MRTFB: variants seen among roughly 807,000 people sequenced by gnomAD.
The protein encoded by MRTFB is myocardin-related transcription factor B.
MRTFB carries 29 observed loss-of-function variants against 104.2 expected under a neutral mutation model. The observed-to-expected ratio is 0.28, with a 90% CI of 0.21 to 0.38. The LOEUF (loss-of-function observed/expected upper bound fraction) is 0.38. MRTFB is among the 10% of genes least tolerant of loss of function. The probability of loss-of-function intolerance (pLI) is 1.00; values close to 1 mark genes in which losing one functional copy is unlikely to be tolerated. For missense variants in MRTFB, 1,270 were observed against 1,341.6 expected, an observed-to-expected ratio of 0.95 and a Z score of 0.83; for synonymous variants, 535 against 519.5, an observed-to-expected ratio of 1.03 and a Z score of -0.41.
intron 12 of MRTFB, chr16:14,247,736 G>T: frequency 1.8e-6 from 1 of 550,474 alleles, no homozygotes. Context: ...CTTTTCCCTT[G>T]AATGAACACA....
chr16:14,009,008 G>A, the MRTFB span, among the ~76,000 whole-genome samples: 71,631 of 151,258 alleles, frequency 0.47, 17,309 homozygotes, highest in Middle Eastern at 0.61. Context: ...GAGTACAGTG[G>A]CCAGATCATA....
In MRTFB at chr16:14,266,074, G is replaced by A. The variant is rs1024298321; in HGVS notation, c.*4630G>A. On this transcript the variant is annotated 3_prime_UTR_variant, in exon 17 of 17. Transcript: ENST00000571589. ...AAGTAACCAATAGTAATGCAAACTT[G>A]CTTTAAAGGAACCAAAGGCATTGCC... is the stretch of plus-strand genomic sequence containing the variant. 6.6e-6 allele frequency: 1 copy of A among 152,198 alleles called. No homozygotes were observed. Among genetic ancestry groups the A allele is most frequent in the Admixed American group, 6.5e-5 (1 of 15,282 alleles). 9.4% of individuals were successfully genotyped at this position (152,198 alleles called of 1,614,324 possible).
chr16:14,248,786 A>G (rs937008867), intron 12 of MRTFB, 140 bp from the exon 13 acceptor site: 2 of 770,940 alleles, frequency 2.6e-6, no homozygotes, highest in Non-Finnish European at 2.0e-6. Context: ...ATTTCTGTGC[A>G]GATGAAGTGT....
At chr16:14,189,529 A>G (rs376920263) in intron 3 of MRTFB, among the ~76,000 whole-genome samples, 16 of 152,350 alleles carry the variant, frequency 1.1e-4, no homozygotes, top group African/African-American at 3.8e-4. Context: ...AAATATATAA[A>G]TGACTATTAA....
intron 8 of MRTFB, among the ~76,000 whole-genome samples, chr16:14,229,265 G>A (rs1269187200): frequency 6.6e-6 from 1 of 152,088 alleles, no homozygotes; most frequent in East Asian, 1.9e-4. Flanking sequence ...AGTGCTAGGT[G>A]ATACATTTTA....
At chr16:14,200,301 C>T (rs1213206996) in intron 3 of MRTFB, 1 of 1,602,098 alleles carries the variant, frequency 6.2e-7, no homozygotes, top group Non-Finnish European at 8.5e-7. Flanking sequence ...CCGACCCGGA[C>T]CCGTACGCTG....
At chr16:14,000,895 G>A in the MRTFB span, among the ~76,000 whole-genome samples, 43,831 of 152,144 alleles carry the variant, frequency 0.29, 8,324 homozygotes, top group African/African-American at 0.54. Flanking sequence ...AGGTCTCTGA[G>A]CCTCAGTTTT....
At chr16:14,156,179 G>GC (rs1399169922) in intron 3 of MRTFB, among the ~76,000 whole-genome samples, 1 of 152,142 alleles carries the variant, frequency 6.6e-6, no homozygotes, top group African/African-American at 2.4e-5. Context: ...CATGTATTTT[G>GC]CCCAGTTTTC....
chr16:14,200,729 A>G, intron 3 of MRTFB: 7 of 1,518,474 alleles, frequency 4.6e-6, no homozygotes, highest in Non-Finnish European at 6.4e-6. Flanking sequence ...TGAATCAGGA[A>G]TCTTTTGGTT....
rs532768139 is a variant in MRTFB, at chr16:14,257,754, T to C, written c.2704-347T>C. ...AAATCTCAATAGAACTGAACAAATA[T>C]GTATAGTGTGATCACCTTTGTACAA... On this transcript the variant is annotated intron_variant, in intron 15 of 16. Transcript: ENST00000571589. 4.0e-4 allele frequency among the ~76,000 whole-genome samples: 61 copies of C among 152,328 alleles called. 1 individual carries two copies. Among genetic ancestry groups the C allele is most frequent in the Middle Eastern group, 6.8e-3 (2 of 294 alleles).
At chr16:14,158,028 G>A (rs1488293222) in intron 3 of MRTFB, among the ~76,000 whole-genome samples, 1 of 152,080 alleles carries the variant, frequency 6.6e-6, no homozygotes, top group Non-Finnish European at 1.5e-5. Flanking sequence ...TTATTTTTAA[G>A]CTATATGGTT....
the MRTFB span, among the ~76,000 whole-genome samples, chr16:14,048,579 G>A: frequency 6.6e-6 from 1 of 152,120 alleles, no homozygotes; most frequent in Admixed American, 6.5e-5. Flanking sequence ...GAGTGTGCAG[G>A]GCCTTTGAGG....
At chr16:14,198,691 C>T (rs995670080) in intron 3 of MRTFB, among the ~76,000 whole-genome samples, 3 of 152,220 alleles carry the variant, frequency 2.0e-5, no homozygotes, top group African/African-American at 4.8e-5. Context: ...GAACAGATGA[C>T]CTTTCTTTCA....
intron 3 of MRTFB, among the ~76,000 whole-genome samples, chr16:14,196,985 T>TTTTTTTTTTTG: frequency 6.9e-6 from 1 of 145,978 alleles, no homozygotes; most frequent in Admixed American, 6.8e-5. Flanking sequence ...TTTTTTTTTT[T>TTTTTTTTTTTG]TTGAGATGGA....
At chr16:14,051,746 G>T in the MRTFB span, among the ~76,000 whole-genome samples, 5 of 152,292 alleles carry the variant, frequency 3.3e-5, no homozygotes, top group South Asian at 8.3e-4. Context: ...AGGTTCAGGG[G>T]CTCTGGAAGG....
At chr16:14,067,656 A>G (rs1041105213), upstream of MRTFB, among the ~76,000 whole-genome samples, 2 of 152,198 alleles carry the variant, frequency 1.3e-5, no homozygotes. Flanking sequence ...CTATAAAAGC[A>G]GAGTCCTTTA....
At chr16:14,150,450 C>T (rs1371291989) in intron 3 of MRTFB, among the ~76,000 whole-genome samples, 2 of 152,086 alleles carry the variant, frequency 1.3e-5, no homozygotes, top group African/African-American at 4.8e-5. Context: ...TGGCAGTCTT[C>T]CTTTAACATA....
chr16:14,161,188 A>G (rs141871755), intron 3 of MRTFB, among the ~76,000 whole-genome samples: 1 of 149,224 alleles, frequency 6.7e-6, no homozygotes, highest in East Asian at 2.0e-4. Context: ...GTTGAGGCCA[A>G]GAATAGCCAT....
At chr16:14,088,613 G>A (rs1435182891) in intron 2 of MRTFB, among the ~76,000 whole-genome samples, 4 of 152,170 alleles carry the variant, frequency 2.6e-5, no homozygotes, top group Non-Finnish European at 5.9e-5. Flanking sequence ...ATCAACTCAT[G>A]AAGCCAAGGA....
Sources: gnomAD v4.1 joint callset for allele counts (sites outside exome capture counted in the v4.1 genomes callset) on GRCh38, gnomAD v4.1.1 for gene constraint, MANE v1.5 for transcripts, NCBI Gene and HGNC (gene_info 2026-07-23, HGNC 2026-07-21) for gene names.